The following SEMA5A variants were observed in gnomAD, a reference collection of about 807,000 sequenced individuals.
The protein encoded by SEMA5A is semaphorin 5A.
A neutral mutation model predicts 135.5 loss-of-function variants in SEMA5A; 55 were observed. The observed-to-expected ratio is 0.41, with a 90% CI of 0.33 to 0.51. The LOEUF is 0.51. Ranked by LOEUF, SEMA5A falls within the 20% of genes least tolerant of loss-of-function variation. The pLI, the probability that SEMA5A is intolerant of heterozygous loss-of-function variation, is 0.37. For missense variants in SEMA5A, 1,290 were observed against 1,419.9 expected (o/e 0.91, Z 1.47); for synonymous variants, 580 against 546.5 (o/e 1.06, Z -0.85).
At chr5:9,183,265 C>A (rs1744622773) in intron 11 of SEMA5A, among the ~76,000 whole-genome samples, 1 of 152,146 alleles carries the variant, frequency 6.6e-6, no homozygotes. Flanking sequence ...CCTTGGACAG[C>A]CGCCTGGAGG....
Position 9,038,795 on chromosome 5 carries a change from C to T in SEMA5A, c.*4102G>A, listed in dbSNP as rs1480259523. On this transcript the variant is annotated 3_prime_UTR_variant, in exon 23 of 23. Transcript: ENST00000382496. Reference sequence around the variant, plus strand: ...CCAGGATGGAGTGCAGTGATGTGATCTCAGCTCACTGCAACCTCAACCTCC... The same window carrying T: ...CCAGGATGGAGTGCAGTGATGTGATTTCAGCTCACTGCAACCTCAACCTCC... 5 of 147,220 alleles carry T rather than the reference C, an allele frequency of 3.4e-5. No individual in the cohort carries two copies. Among genetic ancestry groups the T allele is most frequent in the Non-Finnish European group, 7.4e-5 (5 of 67,456 alleles). 9.1% of individuals were successfully genotyped at this position (147,220 alleles called of 1,614,324 possible).
chr5:9,486,868 C>T (rs748121050), intron 1 of SEMA5A, among the ~76,000 whole-genome samples: 3 of 152,078 alleles, frequency 2.0e-5, no homozygotes, highest in Non-Finnish European at 4.4e-5. Flanking sequence ...ACACTGAATG[C>T]TAAAAGACAA....
chr5:9,447,206 A>C (rs1171221873), intron 1 of SEMA5A, among the ~76,000 whole-genome samples: 1 of 152,250 alleles, frequency 6.6e-6, no homozygotes, highest in African/African-American at 2.4e-5. Context: ...AAAGAAGATT[A>C]GTATAAACCC....
chr5:9,396,130 A>T (rs1245716703), intron 2 of SEMA5A, among the ~76,000 whole-genome samples: 1 of 152,160 alleles, frequency 6.6e-6, no homozygotes, highest in Admixed American at 6.5e-5. Flanking sequence ...GTTAGTTTAC[A>T]ACTTGTAGGA....
At chr5:9,386,816 C>A (rs1047500140) in intron 2 of SEMA5A, among the ~76,000 whole-genome samples, 2 of 152,226 alleles carry the variant, frequency 1.3e-5, no homozygotes, top group African/African-American at 4.8e-5. Flanking sequence ...CTCCAACATG[C>A]TGAATTGGCT....
intron 13 of SEMA5A, among the ~76,000 whole-genome samples, chr5:9,136,073 G>C (rs1220294073): frequency 1.3e-5 from 2 of 152,156 alleles, no homozygotes; most frequent in Non-Finnish European, 2.9e-5. Context: ...GAAGGTGAAA[G>C]TAATATCCTT....
At chr5:9,286,431 T>G in intron 5 of SEMA5A, among the ~76,000 whole-genome samples, 1 of 152,148 alleles carries the variant, frequency 6.6e-6, no homozygotes, top group South Asian at 2.1e-4. Context: ...GTACTCTTTT[T>G]TCTATCTCCC....
intron 10 of SEMA5A, 143 bp downstream of exon 10, chr5:9,197,025 G>C: frequency 8.6e-7 from 1 of 1,168,774 alleles, no homozygotes; most frequent in Non-Finnish European, 1.2e-6. Context: ...AGCCAGCAGA[G>C]TATGGGGCTG....
intron 1 of SEMA5A, among the ~76,000 whole-genome samples, chr5:9,470,052 TG>T (rs1328446330): frequency 1.3e-4 from 20 of 152,310 alleles, no homozygotes; most frequent in African/African-American, 4.6e-4. Flanking sequence ...CGTCTGGACA[TG>T]GTAAGTCCTC....
intron 1 of SEMA5A, among the ~76,000 whole-genome samples, chr5:9,470,233 C>A (rs1036611356): frequency 6.6e-6 from 1 of 152,160 alleles, no homozygotes; most frequent in Non-Finnish European, 1.5e-5. Context: ...CCAGGTTGCA[C>A]AAAGAAGTTT....
intron 16 of SEMA5A, among the ~76,000 whole-genome samples, chr5:9,092,595 A>G (rs1739095250): frequency 6.6e-6 from 1 of 152,232 alleles, no homozygotes; most frequent in Non-Finnish European, 1.5e-5. Flanking sequence ...AATTTGAAAT[A>G]ATTTAAGAAT....
chr5:9,418,752 T>C (rs570393305), intron 2 of SEMA5A, among the ~76,000 whole-genome samples: 40 of 152,326 alleles, frequency 2.6e-4, no homozygotes, highest in African/African-American at 9.1e-4. Context: ...CTGGTGCTGA[T>C]GAGGACCAGT....
At chr5:9,197,433 C>G in intron 9 of SEMA5A, 130 bp from the exon 10 acceptor site, 1 of 1,125,838 alleles carries the variant, frequency 8.9e-7, no homozygotes, top group Non-Finnish European at 1.2e-6. Flanking sequence ...TCTTAAAGAT[C>G]CCAAAAGGAT....
Position 9,483,792 on chromosome 5 carries a change from G to A in SEMA5A, c.-174-45940C>T, listed in dbSNP as rs531130859. ...ATTGAAACAGCTTATGTTACAAAAT[G>A]AGTGCAGTTTTAAAAAATAAATACG... On this transcript the variant is annotated intron_variant, in intron 1 of 22. Coordinates refer to ENST00000382496, the MANE Select transcript of SEMA5A (RefSeq NM_003966.3). 3.9e-5 allele frequency among the ~76,000 whole-genome samples: 6 copies of A among 152,176 alleles called. No homozygotes were observed. In the South Asian group the frequency reaches 1.2e-3, roughly 32 times the overall value.
chr5:9,073,858 A>C (rs1262495314), intron 16 of SEMA5A, among the ~76,000 whole-genome samples: 1 of 152,168 alleles, frequency 6.6e-6, no homozygotes, highest in East Asian at 1.9e-4. Context: ...AACACTACTT[A>C]TAGTAGCATC....
chr5:9,215,001 G>A (rs759532657), intron 8 of SEMA5A, among the ~76,000 whole-genome samples: 14 of 152,166 alleles, frequency 9.2e-5, no homozygotes, highest in Non-Finnish European at 1.5e-4. Flanking sequence ...GGCAGGGAGC[G>A]ATGCACAGTG....
intron 3 of SEMA5A, among the ~76,000 whole-genome samples, chr5:9,362,583 C>T (rs1023391380): frequency 2.6e-5 from 4 of 151,962 alleles, no homozygotes; most frequent in Non-Finnish European, 5.9e-5. Flanking sequence ...GTTTTAAGTC[C>T]GTCCTTTCAA....
intron 2 of SEMA5A, among the ~76,000 whole-genome samples, chr5:9,391,853 T>C (rs1465136665): frequency 6.6e-6 from 1 of 152,200 alleles, no homozygotes; most frequent in African/African-American, 2.4e-5. Context: ...ATAGATCTCT[T>C]TGCAACCTCC....
At chr5:9,527,396 C>A (rs1224354027) in intron 1 of SEMA5A, among the ~76,000 whole-genome samples, 1 of 152,148 alleles carries the variant, frequency 6.6e-6, no homozygotes, top group African/African-American at 2.4e-5. Context: ...TTTTTCCTAC[C>A]ATCAAGAGAT....
Sources: allele counts gnomAD v4.1 joint callset (sites outside exome capture counted in the v4.1 genomes callset), GRCh38; gene constraint gnomAD v4.1.1; transcripts MANE v1.5; gene names NCBI Gene and HGNC (gene_info 2026-07-23, HGNC 2026-07-21).